RAD23B: variants seen among roughly 807,000 people sequenced by gnomAD.
RAD23B encodes RAD23 nucleotide excision repair protein B, also known as lysine-specific demethylase RAD23B.
A neutral mutation model predicts 49.1 loss-of-function variants in RAD23B; 5 were observed. The ratio of observed to expected loss-of-function variants is 0.10; its 90% CI spans 0.05 to 0.21. RAD23B has a LOEUF of 0.21. Ranked by LOEUF, RAD23B falls within the 10% of genes least tolerant of loss-of-function variation. The pLI is 1.00. For synonymous variants in RAD23B, 184 were observed against 165.4 expected, an observed-to-expected ratio of 1.11 and a Z score of -0.86; for missense variants, 356 against 486.7, an observed-to-expected ratio of 0.73 and a Z score of 2.53.
Position 107,332,030 on chromosome 9 carries a change from A to T in RAD23B, c.*2374A>T. 2.8e-6 allele frequency: 1 copy of T among 352,638 alleles called. No homozygotes were observed. The highest frequency in any genetic ancestry group is 5.0e-6 in the Non-Finnish European group (1 of 198,440). The allele number at this position is 352,638 out of a possible 1,614,324, so 21.8% of individuals were successfully genotyped here. On this transcript the variant is annotated 3_prime_UTR_variant, in exon 10 of 10. Coordinates refer to ENST00000358015, the MANE Select transcript of RAD23B (RefSeq NM_002874.5). ...TTTCTCGTTTAGTTGCTCTGTGGGAAATGTGAGGAAGCCTAAGTTTGTATT... is the reference window on the plus strand; with the variant it reads ...TTTCTCGTTTAGTTGCTCTGTGGGATATGTGAGGAAGCCTAAGTTTGTATT...
chr9:107,305,484 A>G (rs777952907), intron 3 of RAD23B, among the ~76,000 whole-genome samples: 7 of 152,154 alleles, frequency 4.6e-5, no homozygotes, highest in Admixed American at 1.3e-4. Context: ...AGGCACACTC[A>G]GTGTAACTTA....
chr9:107,315,596 C>G (rs1826976291), intron 5 of RAD23B, among the ~76,000 whole-genome samples: 1 of 152,146 alleles, frequency 6.6e-6, no homozygotes, highest in South Asian at 2.1e-4. Context: ...TCACTGCAAC[C>G]TCCGCCTCTT....
intron 9 of RAD23B, among the ~76,000 whole-genome samples, chr9:107,325,478 G>A (rs930100934): frequency 3.3e-5 from 5 of 151,758 alleles, no homozygotes; most frequent in African/African-American, 7.3e-5. Context: ...AAATTATTTC[G>A]AAGTATTTTT....
At chr9:107,284,831 A>G (rs1587843364) in intron 1 of RAD23B, 2 of 1,226,378 alleles carry the variant, frequency 1.6e-6, no homozygotes, top group South Asian at 2.6e-5. Flanking sequence ...CTTATTTGCT[A>G]TGACCTTGGG....
At chr9:107,301,130 T>G (rs1192420375) in intron 2 of RAD23B, among the ~76,000 whole-genome samples, 2 of 152,226 alleles carry the variant, frequency 1.3e-5, no homozygotes, top group Non-Finnish European at 2.9e-5. Context: ...CCTAGCTACC[T>G]AATAGTGACC....
At chr9:107,304,431 C>T (rs1320697215) in intron 3 of RAD23B, among the ~76,000 whole-genome samples, 1 of 148,374 alleles carries the variant, frequency 6.7e-6, no homozygotes, top group African/African-American at 2.5e-5. Flanking sequence ...CTCAGGATTT[C>T]AGCTCATTTT....
chr9:107,301,742 T>C (rs1826658682), intron 2 of RAD23B, among the ~76,000 whole-genome samples: 1 of 152,114 alleles, frequency 6.6e-6, no homozygotes, highest in African/African-American at 2.4e-5. Flanking sequence ...GGTCTTGCTA[T>C]GTTGGCCATG....
At chr9:107,314,802 G>C (rs1419222999) in intron 5 of RAD23B, among the ~76,000 whole-genome samples, 1 of 152,178 alleles carries the variant, frequency 6.6e-6, no homozygotes, top group African/African-American at 2.4e-5. Context: ...CAGTGTATAA[G>C]CATTCTATTT....
intron 1 of RAD23B, chr9:107,284,723 C>T (rs935271666): frequency 8.9e-6 from 10 of 1,123,762 alleles, no homozygotes; most frequent in Non-Finnish European, 1.1e-5. Flanking sequence ...CAGCAGCTTT[C>T]TGCCCAACTC....
At chr9:107,290,150 A>C (rs927196476) in intron 1 of RAD23B, among the ~76,000 whole-genome samples, 5 of 152,194 alleles carry the variant, frequency 3.3e-5, no homozygotes, top group African/African-American at 1.2e-4. Flanking sequence ...TTGATTGAGA[A>C]TTTGGAAATA....
rs1190269055 is a variant in RAD23B, at chr9:107,286,324, T to G, written c.66+2629T>G. Among the ~76,000 whole-genome samples, 3 of 152,340 alleles carry G rather than the reference T, an allele frequency of 2.0e-5. No individual in the cohort carries two copies. The South Asian group carries it at 6.2e-4, about 32-fold the overall frequency. ...GTACAGGGACCTGTAGAACGTGGTC[T>G]GGGGCTTCTGGGAGCCTTATTGACT... On this transcript the variant is annotated intron_variant, in intron 1 of 9. Transcript: ENST00000358015.
Position 107,306,625 on chromosome 9 carries a change from A to G in RAD23B, c.475A>G (p.Thr159Ala). The change falls in exon 4 of 10, where the codon ACT becomes GCT. Residue 159 changes from threonine (T) to alanine (A), a missense_variant. By Grantham distance (58) the Thr-to-Ala change is moderately conservative. This residue lies in a region of RAD23B where 137 missense variants were observed against 122.0 expected (regional missense o/e 1.12). Transcript: ENST00000358015. Reference protein sequence around the residue: ...AEKPAETPVATSPTATDSTSG... With the variant: ...AEKPAETPVAASPTATDSTSG... Reference sequence around the variant, plus strand: ...AAAGCCAGCAGAGACACCAGTGGCTACTAGCCCAACAGCAACTGACAGGTA... The same window carrying G: ...AAAGCCAGCAGAGACACCAGTGGCTGCTAGCCCAACAGCAACTGACAGGTA... 3.1e-6 allele frequency: 5 copies of G among 1,614,098 alleles called. 1 individual carries two copies. In the South Asian group the frequency reaches 5.5e-5, roughly 18 times the overall value.
At position 107,331,525 on chromosome 9, in the gene RAD23B, G is replaced by A; in HGVS notation, c.*1869G>A. On this transcript the variant is annotated 3_prime_UTR_variant, in exon 10 of 10. Coordinates refer to ENST00000358015, the MANE Select transcript of RAD23B (RefSeq NM_002874.5). ...ACCTGTATGTTTTATAATGGATCATGCATAATTTCTCAGGAGAATAAAATG... is the reference window on the plus strand; with the variant it reads ...ACCTGTATGTTTTATAATGGATCATACATAATTTCTCAGGAGAATAAAATG... 1.6e-6 allele frequency: 1 copy of A among 606,286 alleles called. No homozygotes were observed. The highest frequency in any genetic ancestry group is 2.7e-5 in the East Asian group (1 of 36,556). 37.6% of individuals were successfully genotyped at this position (606,286 alleles called of 1,614,324 possible). A position where few individuals can be genotyped will look rare whatever the true frequency, so the allele number is the denominator to read the frequency against.
At chr9:107,311,778 T>G in intron 5 of RAD23B, 41 bp downstream of exon 5, 1 of 1,435,524 alleles carries the variant, frequency 7.0e-7, no homozygotes, top group South Asian at 1.3e-5. Context: ...TATAAAGAGA[T>G]AGGAAAGAGG....
rs765383663 is a variant in RAD23B at position 107,331,645 on chromosome 9, TTA to T, written c.*1991_*1992del. Reference sequence around the variant, plus strand: ...GGATAATGGAATACTCTCATTTATTTTATGACATTCTCTGTCTACTCAGATCA... The same window carrying T: ...GGATAATGGAATACTCTCATTTATTTTGACATTCTCTGTCTACTCAGATCA... On this transcript the variant is annotated 3_prime_UTR_variant, in exon 10 of 10. Coordinates refer to ENST00000358015, the MANE Select transcript of RAD23B (RefSeq NM_002874.5). 8.2e-5 allele frequency: 63 copies of T among 769,850 alleles called. No homozygotes were observed. The South Asian group carries it at 8.6e-4, about 11-fold the overall frequency. 47.7% of individuals were successfully genotyped at this position (769,850 alleles called of 1,614,324 possible). A position where few individuals can be genotyped will look rare whatever the true frequency, so the allele number is the denominator to read the frequency against.
At chr9:107,320,884 C>T (rs1347169089) in intron 6 of RAD23B, among the ~76,000 whole-genome samples, 1 of 152,126 alleles carries the variant, frequency 6.6e-6, no homozygotes, top group African/African-American at 2.4e-5. Flanking sequence ...AGCCATTTTC[C>T]TGCTGTGTTA....
chr9:107,329,663 C>T lies in RAD23B; in HGVS notation c.*7C>T, dbSNP rs1381301115. ...GAACTTTGATGAAGATTGAAAGGGACTTTTTTATATCTCACACTTCACACC... is the reference window on the plus strand; with the variant it reads ...GAACTTTGATGAAGATTGAAAGGGATTTTTTTATATCTCACACTTCACACC... On this transcript the variant is annotated 3_prime_UTR_variant, in exon 10 of 10. Transcript: ENST00000358015. The T allele has an allele frequency of 6.4e-7, 1 of 1,569,470 alleles. No individual in the cohort carries two copies. Among genetic ancestry groups the T allele is most frequent in the Admixed American group, 1.7e-5 (1 of 59,736 alleles).
In RAD23B at chr9:107,331,563, T is replaced by G; in HGVS notation, c.*1907T>G. ...GGAGAATAAAATGAGAATTCATATA[T>G]ACGTTCATCTTTCAAGTCAGAGCAA... On this transcript the variant is annotated 3_prime_UTR_variant, in exon 10 of 10. Coordinates refer to ENST00000358015, the MANE Select transcript of RAD23B (RefSeq NM_002874.5). The G allele has an allele frequency of 1.5e-6, 1 of 661,808 alleles. No homozygotes were observed. Among genetic ancestry groups the G allele is most frequent in the South Asian group, 1.8e-5 (1 of 56,388 alleles). 41.0% of individuals were successfully genotyped at this position (661,808 alleles called of 1,614,324 possible). A position where few individuals can be genotyped will look rare whatever the true frequency, so the allele number is the denominator to read the frequency against.
At chr9:107,286,758 C>A (rs927617857) in intron 1 of RAD23B, among the ~76,000 whole-genome samples, 6 of 152,216 alleles carry the variant, frequency 3.9e-5, no homozygotes, top group African/African-American at 1.4e-4. Flanking sequence ...TAGAGCACTG[C>A]TTCTCTGAAA....
Sources: allele counts gnomAD v4.1 joint callset (sites outside exome capture counted in the v4.1 genomes callset), GRCh38; gene constraint gnomAD v4.1.1; regional missense constraint gnomAD v4.1.1; transcripts MANE v1.5; gene names NCBI Gene and HGNC (gene_info 2026-07-23, HGNC 2026-07-21).